The following ADGRV1 variants were observed in gnomAD, a reference collection of about 807,000 sequenced individuals.
ADGRV1 encodes adhesion G protein-coupled receptor V1, also known as G-protein coupled receptor 98.
Under a neutral mutation model 596.2 loss-of-function variants are expected in ADGRV1, and 359 were observed. The ratio of observed to expected loss-of-function variants is 0.60; its 90% confidence interval spans 0.55 to 0.66. The LOEUF (loss-of-function observed/expected upper bound fraction) is 0.66. Ranked by LOEUF, ADGRV1 falls within the 30% of genes least tolerant of loss-of-function variation. The probability of loss-of-function intolerance (pLI) is 0.00; values close to 1 mark genes in which losing one functional copy is unlikely to be tolerated. For missense variants in ADGRV1, 7,274 were observed against 7,575.6 expected (o/e 0.96, Z 1.48); for synonymous variants, 2,681 against 2,679.2 (o/e 1.00, Z -0.02).
At position 90,558,880 on chromosome 5, in the gene ADGRV1, C is replaced by G. The variant is rs1159766593; in HGVS notation, c.-16C>G. On this transcript the variant is annotated 5_prime_UTR_variant, in exon 1 of 90. Transcript: ENST00000405460. ...GGGTGTGTGGAGGGCCGGCGGGGAC[C>G]GCCGGGAGCGCGCGGATGTCGGTGT... 5.1e-6 allele frequency: 8 copies of G among 1,559,512 alleles called. No homozygotes were observed. Among genetic ancestry groups the G allele is most frequent in the Non-Finnish European group, 6.9e-6 (8 of 1,151,160 alleles).
At chr5:91,130,426 G>A (rs896942140) in intron 87 of ADGRV1, among the ~76,000 whole-genome samples, 1 of 148,988 alleles carries the variant, frequency 6.7e-6, no homozygotes, top group Non-Finnish European at 1.5e-5. Context: ...GGAGGCTGAG[G>A]CAGGAGAATT....
chr5:90,576,962 T>G (rs1757309330), intron 1 of ADGRV1, among the ~76,000 whole-genome samples: 1 of 152,208 alleles, frequency 6.6e-6, no homozygotes, highest in Admixed American at 6.5e-5. Flanking sequence ...TTGATGGGGT[T>G]GTTTGTTTTT....
chr5:90,788,903 C>T (rs868551891), intron 68 of ADGRV1, among the ~76,000 whole-genome samples: 1 of 151,736 alleles, frequency 6.6e-6, no homozygotes, highest in Non-Finnish European at 1.5e-5. Context: ...CTCACACACA[C>T]AGCAGGGTGG....
At chr5:91,011,522 T>C (rs1232025218) in intron 85 of ADGRV1, among the ~76,000 whole-genome samples, 1 of 151,984 alleles carries the variant, frequency 6.6e-6, no homozygotes, top group African/African-American at 2.4e-5. Flanking sequence ...ACCTCATCTA[T>C]TTAGAACATT....
chr5:90,728,012 T>C (rs778596191), intron 48 of ADGRV1, among the ~76,000 whole-genome samples: 2 of 152,350 alleles, frequency 1.3e-5, no homozygotes, highest in Non-Finnish European at 2.9e-5. Context: ...TTGTTTACCT[T>C]TTCCTAATAG....
chr5:90,691,378 T>C (rs1746448816), intron 31 of ADGRV1, among the ~76,000 whole-genome samples: 3 of 113,208 alleles, frequency 2.6e-5, no homozygotes. Flanking sequence ...CTGTATAAAC[T>C]TTTTTCTTTT....
At chr5:90,644,939 TA>T in intron 15 of ADGRV1, 70 bp downstream of exon 15, 1 of 1,062,822 alleles carries the variant, frequency 9.4e-7, no homozygotes, top group Non-Finnish European at 1.3e-6. Flanking sequence ...ATTAAATAAT[TA>T]AACATCTGGT....
chr5:91,071,553 T>A (rs1332694998), intron 85 of ADGRV1, among the ~76,000 whole-genome samples: 1 of 152,174 alleles, frequency 6.6e-6, no homozygotes, highest in Non-Finnish European at 1.5e-5. Flanking sequence ...TTCGTTGAAG[T>A]CTAGAAATGA....
chr5:90,781,606 A>G, intron 65 of ADGRV1, 28 bp downstream of exon 65: 1 of 1,577,850 alleles, frequency 6.3e-7, no homozygotes, highest in Non-Finnish European at 8.6e-7. Context: ...GCTTGTAAGT[A>G]AGTTTACTAC....
intron 85 of ADGRV1, among the ~76,000 whole-genome samples, chr5:90,990,517 A>C (rs1320420285): frequency 3.9e-5 from 6 of 152,124 alleles, no homozygotes; most frequent in Non-Finnish European, 7.4e-5. Flanking sequence ...ATTATAATCT[A>C]ATGCCTCCAC....
intron 60 of ADGRV1, among the ~76,000 whole-genome samples, chr5:90,775,296 A>G (rs558061219): frequency 1.3e-5 from 2 of 152,302 alleles, no homozygotes; most frequent in South Asian, 4.1e-4. Flanking sequence ...CATTTTATTT[A>G]GGATATTTTC....
intron 87 of ADGRV1, among the ~76,000 whole-genome samples, chr5:91,121,788 T>C (rs1023390277): frequency 6.6e-6 from 1 of 152,126 alleles, no homozygotes; most frequent in Admixed American, 6.6e-5. Flanking sequence ...TATTTACTTG[T>C]GATTTTAAAA....
chr5:90,971,775 A>G (rs140921684), intron 84 of ADGRV1, among the ~76,000 whole-genome samples: 8,606 of 152,284 alleles, frequency 0.057, 435 homozygotes, highest in East Asian at 0.24. Flanking sequence ...CATCGATGCT[A>G]GGAAGAAACT....
At chr5:90,654,945 G>C (rs1769188200) in intron 20 of ADGRV1, 1 of 152,078 alleles carries the variant, frequency 6.6e-6, no homozygotes, top group Non-Finnish European at 1.5e-5. Flanking sequence ...GTGGGAGCTG[G>C]TGTTTTTTCC....
At chr5:90,715,106 A>G (rs1749913769) in intron 42 of ADGRV1, among the ~76,000 whole-genome samples, 1 of 152,334 alleles carries the variant, frequency 6.6e-6, no homozygotes, top group Admixed American at 6.5e-5. Context: ...TAGATCTTTT[A>G]TACCATTGCC....
intron 78 of ADGRV1, among the ~76,000 whole-genome samples, chr5:90,845,541 A>C (rs2150375216): frequency 6.6e-6 from 1 of 152,208 alleles, no homozygotes; most frequent in South Asian, 2.1e-4. Context: ...AAAAGTCGGA[A>C]GTTAAACTAA....
chr5:91,048,170 A>G (rs1562140544), intron 85 of ADGRV1, among the ~76,000 whole-genome samples: 1 of 152,188 alleles, frequency 6.6e-6, no homozygotes. Context: ...TGGCACATTT[A>G]TTTGATTGGT....
At chr5:90,655,144 G>A (rs189135864) in intron 20 of ADGRV1, 2 of 152,382 alleles carry the variant, frequency 1.3e-5, no homozygotes, top group East Asian at 1.9e-4. Context: ...GCACTCATGT[G>A]ATCAGCCCCC....
Position 91,004,222 on chromosome 5 carries a change from A to G in ADGRV1, c.18152+18700A>G, listed in dbSNP as rs4916837. Among the ~76,000 whole-genome samples the G allele has an allele frequency of 9.2e-5, 14 of 152,242 alleles. 1 individual carries two copies. The South Asian group carries it at 2.7e-3, about 29-fold the overall frequency. ...ATCTAGGTGTTCTAAGTAACATTGT[A>G]TTTTCTTCCTGCATGAATGATAATA... On this transcript the variant is annotated intron_variant, in intron 85 of 89. Transcript: ENST00000405460.
Sources: gnomAD v4.1 joint callset for allele counts (sites outside exome capture counted in the v4.1 genomes callset) on GRCh38, gnomAD v4.1.1 for gene constraint, MANE v1.5 for transcripts, NCBI Gene and HGNC (gene_info 2026-07-23, HGNC 2026-07-21) for gene names.